MOV10L1: variants seen among roughly 807,000 people sequenced by gnomAD.
MOV10L1 encodes Mov10 like RNA helicase 1.
Under a neutral mutation model 143.8 loss-of-function variants are expected in MOV10L1, and 110 were observed. That is an observed-to-expected ratio of 0.76 (90% CI 0.66 to 0.90). MOV10L1 has a LOEUF of 0.90. Ranked by LOEUF, MOV10L1 falls within the 40% of genes least tolerant of loss-of-function variation. The pLI, the probability that MOV10L1 is intolerant of heterozygous loss-of-function variation, is 0.00. For synonymous variants in MOV10L1, 593 were observed against 581.1 expected, an observed-to-expected ratio of 1.02 and a Z score of -0.29; for missense variants, 1,406 against 1,526.8, an observed-to-expected ratio of 0.92 and a Z score of 1.32.
intron 2 of MOV10L1, among the ~76,000 whole-genome samples, chr22:50,097,362 C>T (rs1260392159): frequency 2.6e-5 from 4 of 152,134 alleles, no homozygotes; most frequent in Admixed American, 6.5e-5. Context: ...GCCCATCCCA[C>T]GCCTTTCCAA....
chr22:50,141,370 A>G (rs1024802990), intron 15 of MOV10L1, among the ~76,000 whole-genome samples: 1 of 149,350 alleles, frequency 6.7e-6, no homozygotes, highest in African/African-American at 2.5e-5. Context: ...GGTCTCTGTC[A>G]CCCAGGTTGG....
intron 16 of MOV10L1, 60 bp downstream of exon 16, chr22:50,142,249 G>A (rs2063010115): frequency 7.2e-7 from 1 of 1,395,132 alleles, no homozygotes; most frequent in Admixed American, 2.1e-5. Flanking sequence ...TGGAAAACGG[G>A]GACTTTGAGG....
chr22:50,159,261 A>G lies in MOV10L1; in HGVS notation c.3217-417A>G, dbSNP rs2063497885. 1 of 152,554 alleles carries G rather than the reference A, an allele frequency of 6.6e-6. No individual in the cohort carries two copies. Among genetic ancestry groups the G allele is most frequent in the African/African-American group, 2.4e-5 (1 of 41,458 alleles). The allele number at this position is 152,554 out of a possible 1,614,324, so 9.5% of individuals were successfully genotyped here. A position where few individuals can be genotyped will look rare whatever the true frequency, so the allele number is the denominator to read the frequency against. ...AAGCAATAAAGAATTAAAAAACAAT[A>G]TTGCACCTTGGCCAATATTTGGTTT... On this transcript the variant is annotated intron_variant, in intron 23 of 26. Coordinates refer to ENST00000262794, the MANE Select transcript of MOV10L1 (RefSeq NM_018995.3). This position sits in a 1 kb window ranked among gnomAD's most constrained non-coding sequence, Gnocchi z 4.1.
chr22:50,151,076 C>T (rs898033909), intron 21 of MOV10L1, among the ~76,000 whole-genome samples, 177 bp downstream of exon 21: 5 of 152,220 alleles, frequency 3.3e-5, no homozygotes, highest in South Asian at 4.1e-4. Context: ...GTGCTGATGG[C>T]TGAGACTCTG....
Position 50,143,216 on chromosome 22 carries a change from T to C in MOV10L1, c.2353T>C (p.Leu785=). The change falls in exon 17 of 27, where the codon TTA becomes CTA. Residue 785 remains leucine, a synonymous_variant. Coordinates refer to ENST00000262794, the MANE Select transcript of MOV10L1 (RefSeq NM_018995.3). ...GKTVTIIEAV[L]QVHFALPDSR... Reference sequence around the variant, plus strand: ...GACAGTGACAATAATAGAGGCTGTTTTACAGGTAAGGACAGCGGCGCCGCG... The same window carrying C: ...GACAGTGACAATAATAGAGGCTGTTCTACAGGTAAGGACAGCGGCGCCGCG... The C allele has an allele frequency of 6.2e-7, 1 of 1,614,070 alleles. No homozygotes were observed. The highest frequency in any genetic ancestry group is 8.5e-7 in the Non-Finnish European group (1 of 1,180,020).
chr22:50,112,594 G>A (rs1306748933), intron 5 of MOV10L1, among the ~76,000 whole-genome samples: 2 of 152,204 alleles, frequency 1.3e-5, no homozygotes, highest in East Asian at 3.9e-4. Context: ...CCCCACTGAG[G>A]CCTCCTGACC....
chr22:50,090,218 C>G, intron 1 of MOV10L1, 33 bp downstream of exon 1: 1 of 1,413,096 alleles, frequency 7.1e-7, no homozygotes, highest in Non-Finnish European at 9.2e-7. Context: ...GAGGCGGGTC[C>G]CGGGCCCTCG....
At chr22:50,145,568 G>T in intron 18 of MOV10L1, 121 bp from the exon 19 acceptor site, 1 of 1,319,846 alleles carries the variant, frequency 7.6e-7, no homozygotes, top group Non-Finnish European at 1.0e-6. Flanking sequence ...GATATTTTGA[G>T]AAAAAAACCT....
intron 13 of MOV10L1, among the ~76,000 whole-genome samples, chr22:50,130,504 G>A (rs770960408): frequency 3.9e-5 from 6 of 152,174 alleles, no homozygotes; most frequent in Admixed American, 6.5e-5. Context: ...GGCATTTGCC[G>A]ATGAAAGCAG....
chr22:50,149,666 G>A lies in MOV10L1; in HGVS notation c.2679G>A (p.Glu893=). The A allele has an allele frequency of 6.2e-7, 1 of 1,614,116 alleles. No individual in the cohort carries two copies. Among genetic ancestry groups the A allele is most frequent in the South Asian group, 1.1e-5 (1 of 91,082 alleles). The change falls in exon 20 of 27, where the codon GAG becomes GAA. Residue 893 remains glutamate, a synonymous_variant. Coordinates refer to ENST00000262794, the MANE Select transcript of MOV10L1 (RefSeq NM_018995.3). Reference sequence around the variant, plus strand: ...TGGACGAGGCTGGGCAGGCAAGTGAGCCGGAATGCCTCATTCCTCTGGGGC... The same window carrying A: ...TGGACGAGGCTGGGCAGGCAAGTGAACCGGAATGCCTCATTCCTCTGGGGC... ...VFVDEAGQAS[E]PECLIPLGLM...
At chr22:50,160,852 G>A (rs2063542106) in intron 25 of MOV10L1, 27 bp downstream of exon 25, 1 of 1,613,788 alleles carries the variant, frequency 6.2e-7, no homozygotes, top group African/African-American at 1.3e-5. Context: ...TGGGTGGGCT[G>A]TGATCACTTA....
At chr22:50,126,363 TG>T in intron 12 of MOV10L1, 91 bp downstream of exon 12, 1 of 835,766 alleles carries the variant, frequency 1.2e-6, no homozygotes, top group Non-Finnish European at 1.9e-6. Flanking sequence ...CTTGGGGAGA[TG>T]CTCCCATATG....
chr22:50,148,463 C>G (rs1432780644), intron 19 of MOV10L1, among the ~76,000 whole-genome samples: 1 of 152,148 alleles, frequency 6.6e-6, no homozygotes, highest in Non-Finnish European at 1.5e-5. Flanking sequence ...GACTCCTTCC[C>G]GCAAAATCCC....
At chr22:50,093,448 A>G (rs2062506571) in intron 2 of MOV10L1, 1 of 152,088 alleles carries the variant, frequency 6.6e-6, no homozygotes, top group Non-Finnish European at 1.5e-5. Context: ...AGGGAGGCTT[A>G]TTCCACTTCT....
At chr22:50,154,772 A>G (rs891147740) in intron 22 of MOV10L1, among the ~76,000 whole-genome samples, 3 of 152,216 alleles carry the variant, frequency 2.0e-5, no homozygotes, top group African/African-American at 7.2e-5. Context: ...TTTCATGCAT[A>G]TAATTTATCA....
intron 6 of MOV10L1, among the ~76,000 whole-genome samples, 167 bp downstream of exon 6, chr22:50,113,955 G>A (rs1003944627): frequency 1.6e-5 from 2 of 123,242 alleles, no homozygotes; most frequent in Non-Finnish European, 3.1e-5. Context: ...GTCTTGCTCC[G>A]TCGCCCGGGC....
chr22:50,120,429 T>G, intron 9 of MOV10L1, 73 bp from the exon 10 acceptor site: 2 of 932,692 alleles, frequency 2.1e-6, no homozygotes, highest in Non-Finnish European at 1.7e-6. Flanking sequence ...TAGGAAAGGA[T>G]GTTTAGGTAA....
At chr22:50,157,009 A>G (rs755860289) in intron 22 of MOV10L1, among the ~76,000 whole-genome samples, 10 of 152,022 alleles carry the variant, frequency 6.6e-5, no homozygotes, top group Non-Finnish European at 1.0e-4. Context: ...CCACATCCTC[A>G]CCACCACTTA....
At chr22:50,122,466 C>G (rs1480974285) in intron 10 of MOV10L1, among the ~76,000 whole-genome samples, 1 of 152,180 alleles carries the variant, frequency 6.6e-6, no homozygotes, top group Non-Finnish European at 1.5e-5. Flanking sequence ...GAGTTTTCTA[C>G]ATATAAAATT....
Sources: gnomAD v4.1 joint callset for allele counts (sites outside exome capture counted in the v4.1 genomes callset) on GRCh38, gnomAD v4.1.1 for gene constraint, Gnocchi (gnomAD v3.1) non-coding constraint, MANE v1.5 for transcripts, NCBI Gene and HGNC (gene_info 2026-07-23, HGNC 2026-07-21) for gene names.